The following DCC variants were observed in gnomAD, a reference collection of about 807,000 sequenced individuals.
The protein encoded by DCC is netrin receptor DCC.
A neutral mutation model predicts 172.5 loss-of-function variants in DCC; 58 were observed. The observed-to-expected ratio is 0.34, with a 90% confidence interval of 0.27 to 0.42. The LOEUF (loss-of-function observed/expected upper bound fraction) is 0.42, where lower values mean the gene tolerates loss of function less well. Among genes scored for constraint, DCC ranks in the 10% least tolerant of loss-of-function variants. The probability of loss-of-function intolerance (pLI) is 1.00; values close to 1 mark genes in which losing one functional copy is unlikely to be tolerated. For synonymous variants in DCC, 709 were observed against 644.5 expected (o/e 1.10, Z -1.52); for missense variants, 1,740 against 1,791.0 (o/e 0.97, Z 0.51).
At chr18:52,859,965 C>T (rs752870) in intron 2 of DCC, among the ~76,000 whole-genome samples, 34,900 of 152,020 alleles carry the variant, frequency 0.23, 4,715 homozygotes, top group Admixed American at 0.32. Context: ...TAAATAAATA[C>T]ATTATTCCAT....
intron 27 of DCC, among the ~76,000 whole-genome samples, chr18:53,506,880 G>A (rs946797180): frequency 6.6e-6 from 1 of 150,512 alleles, no homozygotes; most frequent in Non-Finnish European, 1.5e-5. Context: ...AAAAAAGGAG[G>A]AGGAGTGTGG....
intron 16 of DCC, among the ~76,000 whole-genome samples, chr18:53,388,413 G>A (rs1163411200): frequency 1.3e-5 from 2 of 152,114 alleles, no homozygotes; most frequent in African/African-American, 4.8e-5. Context: ...CTCGAACAAG[G>A]GCCCGTGTAA....
At chr18:52,573,280 T>C (rs894383089) in intron 1 of DCC, among the ~76,000 whole-genome samples, 100 of 152,288 alleles carry the variant, frequency 6.6e-4, no homozygotes, top group African/African-American at 2.3e-3. Flanking sequence ...GCTATATACT[T>C]CTCTATCCTA....
In DCC at chr18:53,261,354, G is replaced by A. The variant is rs151115089; in HGVS notation, c.1912-44224G>A. 3.6e-4 allele frequency among the ~76,000 whole-genome samples: 55 copies of A among 152,272 alleles called. 1 individual carries two copies. The highest frequency in any genetic ancestry group is 3.3e-3 in the Admixed American group (50 of 15,296). ...TCAGCCATCTTGGCTCCACACCCTC[G>A]TGAGGACGTTTTGTGTCCTCTTCTC... On this transcript the variant is annotated intron_variant, in intron 12 of 28. Coordinates refer to ENST00000442544, the MANE Select transcript of DCC (RefSeq NM_005215.4).
intron 2 of DCC, among the ~76,000 whole-genome samples, chr18:52,838,779 A>G (rs373207240): frequency 6.6e-5 from 10 of 152,228 alleles, no homozygotes; most frequent in African/African-American, 2.2e-4. Context: ...ATGAGCCAGG[A>G]CAACAGTGAA....
At chr18:53,328,620 C>T (rs1156336338) in intron 14 of DCC, among the ~76,000 whole-genome samples, 1 of 150,912 alleles carries the variant, frequency 6.6e-6, no homozygotes, top group African/African-American at 2.4e-5. Context: ...CTGCAACTTT[C>T]ACCTCTCGGG....
At chr18:53,386,928 C>A (rs998513826) in intron 16 of DCC, among the ~76,000 whole-genome samples, 28 of 152,134 alleles carry the variant, frequency 1.8e-4, no homozygotes, top group African/African-American at 6.5e-4. Flanking sequence ...TGACTACTTC[C>A]CCAAACCCCT....
intron 1 of DCC, among the ~76,000 whole-genome samples, chr18:52,628,361 A>G (rs759294138): frequency 1.9e-4 from 29 of 152,346 alleles, no homozygotes; most frequent in South Asian, 4.1e-4. Flanking sequence ...TTAGCATCCA[A>G]TGTGTCTTTC....
Position 53,395,534 on chromosome 18 carries a change from G to C in DCC, c.2689-1774G>C, listed in dbSNP as rs114656276. Among the ~76,000 whole-genome samples the C allele has an allele frequency of 3.4e-3, 513 of 152,256 alleles. 4 individuals are homozygous for C. The highest frequency in any genetic ancestry group is 0.011 in the African/African-American group (475 of 41,542). On this transcript the variant is annotated intron_variant, in intron 17 of 28. Transcript: ENST00000442544. The stretch of plus-strand genomic sequence containing the variant: ...AAGCAAAAATGGAAGTAATATATCT[G>C]CATGTCAGATACTAGCTGACCACTT...
chr18:53,509,706 A>G (rs954072139), intron 27 of DCC, among the ~76,000 whole-genome samples: 3 of 152,186 alleles, frequency 2.0e-5, no homozygotes, highest in East Asian at 3.8e-4. Context: ...AGTGTCTCAG[A>G]TGATTTATTA....
chr18:52,969,578 C>T (rs62729062), intron 5 of DCC, among the ~76,000 whole-genome samples: 5 of 43,076 alleles, frequency 1.2e-4, no homozygotes, highest in Non-Finnish European at 1.8e-4. Flanking sequence ...ATTTGCCCCG[C>T]CCCCCACTCT....
chr18:52,447,417 T>TTACTATACA, intron 1 of DCC, among the ~76,000 whole-genome samples: 1 of 152,168 alleles, frequency 6.6e-6, no homozygotes, highest in Non-Finnish European at 1.5e-5. Flanking sequence ...CACAGTGCAG[T>TTACTATACA]GGCAGATGAC....
chr18:52,361,879 G>C lies in DCC; in HGVS notation c.91+21001G>C, dbSNP rs1368785434. ...AGTATCACCACAGCTCGTTCATGTGGCTTCTAAATTTCCTCCAAAGGGTTG... is the reference window on the plus strand; with the variant it reads ...AGTATCACCACAGCTCGTTCATGTGCCTTCTAAATTTCCTCCAAAGGGTTG... On this transcript the variant is annotated intron_variant, in intron 1 of 28. Coordinates refer to ENST00000442544, the MANE Select transcript of DCC (RefSeq NM_005215.4). Among the ~76,000 whole-genome samples, 4 of 152,322 alleles carry C rather than the reference G, an allele frequency of 2.6e-5. No homozygotes were observed. The East Asian group carries it at 7.7e-4, about 29-fold the overall frequency.
chr18:52,482,434 G>T (rs888349119), intron 1 of DCC, among the ~76,000 whole-genome samples: 2 of 152,040 alleles, frequency 1.3e-5, no homozygotes, highest in African/African-American at 4.8e-5. Flanking sequence ...ATACTATATG[G>T]TGTAAACAAC....
intron 1 of DCC, among the ~76,000 whole-genome samples, chr18:52,438,028 G>C (rs1183471422): frequency 6.6e-6 from 1 of 152,126 alleles, no homozygotes; most frequent in East Asian, 1.9e-4. Context: ...AAAAATGAAG[G>C]CTTTCAGGTA....
intron 5 of DCC, among the ~76,000 whole-genome samples, chr18:53,029,923 T>C (rs1282350393): frequency 6.6e-6 from 1 of 152,162 alleles, no homozygotes; most frequent in Non-Finnish European, 1.5e-5. Flanking sequence ...TTTGTTGAAG[T>C]TGGGAGCCCT....
intron 1 of DCC, among the ~76,000 whole-genome samples, chr18:52,594,714 G>C (rs1218547367): frequency 6.6e-6 from 1 of 152,172 alleles, no homozygotes; most frequent in East Asian, 1.9e-4. Flanking sequence ...ACTCATGGCA[G>C]AAGATGAAGT....
chr18:52,633,129 TCCTG>T (rs2034708890), intron 1 of DCC, among the ~76,000 whole-genome samples: 3 of 35,374 alleles, frequency 8.5e-5, no homozygotes, highest in Non-Finnish European at 1.5e-4. Flanking sequence ...TCCTTTCCTG[TCCTG>T]TCCTGTCCTG....
intron 1 of DCC, among the ~76,000 whole-genome samples, chr18:52,640,480 G>C (rs930009942): frequency 6.6e-6 from 1 of 152,112 alleles, no homozygotes; most frequent in Non-Finnish European, 1.5e-5. Context: ...CCTCCAGAAA[G>C]CTCTTAGAAC....
Sources: allele counts gnomAD v4.1 joint callset (sites outside exome capture counted in the v4.1 genomes callset), GRCh38; gene constraint gnomAD v4.1.1; transcripts MANE v1.5; gene names NCBI Gene and HGNC (gene_info 2026-07-23, HGNC 2026-07-21).